ADGRB3: variants seen among roughly 807,000 people sequenced by gnomAD.
ADGRB3 encodes the protein adhesion G protein-coupled receptor B3.
Under a neutral mutation model 193.4 loss-of-function variants are expected in ADGRB3, and 37 were observed. That is an observed-to-expected ratio of 0.19 (90% CI 0.15 to 0.25). The LOEUF (loss-of-function observed/expected upper bound fraction) is 0.25, where lower values mean the gene tolerates loss of function less well. ADGRB3 is among the 10% of genes least tolerant of loss of function. The pLI is 1.00. For missense variants in ADGRB3, 1,637 were observed against 1,852.9 expected (o/e 0.88, Z 2.14); for synonymous variants, 690 against 644.2 (o/e 1.07, Z -1.08).
Position 69,388,715 on chromosome 6 carries a change from C to G in ADGRB3, c.4393C>G (p.Pro1465Ala). ...CTCTTCTCAACAGGAAAACCCCGCA[C>G]CAAACAAGAATCCATGGGACACTTT... is the stretch of plus-strand genomic sequence containing the variant. Reference protein sequence around the residue: ...PNTSSMENPAPNKNPWDTFKN... With the variant: ...PNTSSMENPAANKNPWDTFKN... The change falls in exon 32 of 32, where the codon CCA becomes GCA. Residue 1465 changes from proline (P) to alanine (A), a missense_variant. Coordinates refer to ENST00000370598, the MANE Select transcript of ADGRB3 (RefSeq NM_001704.3). The G allele has an allele frequency of 6.2e-7, 1 of 1,612,850 alleles. No homozygotes were observed. The highest frequency in any genetic ancestry group is 8.5e-7 in the Non-Finnish European group (1 of 1,179,348).
chr6:69,264,075 T>G (rs1020119206), intron 20 of ADGRB3, among the ~76,000 whole-genome samples: 1 of 152,004 alleles, frequency 6.6e-6, no homozygotes, highest in Non-Finnish European at 1.5e-5. Flanking sequence ...GATACATGTA[T>G]TGCTGTCCTT....
intron 20 of ADGRB3, among the ~76,000 whole-genome samples, chr6:69,265,122 AG>A (rs1767011627): frequency 6.6e-6 from 1 of 151,954 alleles, no homozygotes; most frequent in African/African-American, 2.4e-5. Flanking sequence ...GCTGCTCATC[AG>A]AATCGCCCAT....
intron 17 of ADGRB3, among the ~76,000 whole-genome samples, chr6:69,232,168 G>A (rs1036706522): frequency 6.6e-6 from 1 of 152,190 alleles, no homozygotes; most frequent in Non-Finnish European, 1.5e-5. Context: ...AGGTTTGCTA[G>A]CTGGATAATT....
intron 3 of ADGRB3, among the ~76,000 whole-genome samples, chr6:68,668,214 C>G (rs1768848405): frequency 6.6e-6 from 1 of 151,958 alleles, no homozygotes; most frequent in South Asian, 2.1e-4. Flanking sequence ...AATGATCCCC[C>G]AAAGGACAAA....
intron 3 of ADGRB3, among the ~76,000 whole-genome samples, chr6:68,805,330 A>G (rs1767382031): frequency 6.6e-6 from 1 of 152,182 alleles, no homozygotes; most frequent in African/African-American, 2.4e-5. Context: ...ATTACAAAAT[A>G]TCATGTGAAC....
intron 10 of ADGRB3, among the ~76,000 whole-genome samples, chr6:68,979,314 A>C (rs1768839700): frequency 6.6e-6 from 1 of 151,498 alleles, no homozygotes; most frequent in Non-Finnish European, 1.5e-5. Flanking sequence ...GAAAGGAACA[A>C]GTATAAGCCT....
chr6:69,071,542 TA>T (rs1772080530), intron 16 of ADGRB3, among the ~76,000 whole-genome samples: 1 of 152,194 alleles, frequency 6.6e-6, no homozygotes, highest in Admixed American at 6.5e-5. Flanking sequence ...GTGCATTTTT[TA>T]AATGCTTAAA....
chr6:69,228,974 T>C (rs1766078830), intron 17 of ADGRB3, among the ~76,000 whole-genome samples: 1 of 152,152 alleles, frequency 6.6e-6, no homozygotes, highest in Admixed American at 6.5e-5. Flanking sequence ...TGAAGGACAT[T>C]TGAAAAAGTA....
chr6:69,047,890 C>T (rs908643203), intron 13 of ADGRB3, among the ~76,000 whole-genome samples: 5 of 152,116 alleles, frequency 3.3e-5, no homozygotes, highest in African/African-American at 9.7e-5. Context: ...TGGAGACCAA[C>T]CATGAACAAT....
chr6:68,987,572 C>A (rs1402719992), intron 10 of ADGRB3, among the ~76,000 whole-genome samples: 1 of 152,144 alleles, frequency 6.6e-6, no homozygotes. Context: ...TTGACAATTT[C>A]TAATGAAAGC....
At position 69,199,659 on chromosome 6, in the gene ADGRB3, G is replaced by T. The variant is rs867332361; in HGVS notation, c.2481-33631G>T. Among the ~76,000 whole-genome samples, 8 of 152,158 alleles carry T rather than the reference G, an allele frequency of 5.3e-5. No individual in the cohort carries two copies. In the South Asian group the frequency reaches 1.7e-3, roughly 32 times the overall value. Reference sequence around the variant, plus strand: ...TAGTGGTTCAGGACAAAGTTTTATTGCAACAGAAGCCATAAATGTATCCCA... The same window carrying T: ...TAGTGGTTCAGGACAAAGTTTTATTTCAACAGAAGCCATAAATGTATCCCA... On this transcript the variant is annotated intron_variant, in intron 17 of 31. Coordinates refer to ENST00000370598, the MANE Select transcript of ADGRB3 (RefSeq NM_001704.3).
intron 13 of ADGRB3, among the ~76,000 whole-genome samples, chr6:69,039,345 A>G (rs1354654665): frequency 1.3e-5 from 2 of 152,104 alleles, no homozygotes; most frequent in Non-Finnish European, 2.9e-5. Flanking sequence ...AAGAAATTTT[A>G]TATATATAGT....
chr6:68,682,844 C>G (rs1266820632), intron 3 of ADGRB3, among the ~76,000 whole-genome samples: 2 of 151,186 alleles, frequency 1.3e-5, no homozygotes, highest in Non-Finnish European at 2.9e-5. Context: ...GTGGCACAAT[C>G]TCAGCTCACT....
intron 8 of ADGRB3, among the ~76,000 whole-genome samples, chr6:68,958,870 A>AAATAGTGTGTGT (rs1554227911): frequency 7.8e-4 from 115 of 147,336 alleles, no homozygotes; most frequent in African/African-American, 2.8e-3. Flanking sequence ...AAAGAAAAAT[A>AAATAGTGTGTGT]GTGTGTGTGT....
intron 3 of ADGRB3, among the ~76,000 whole-genome samples, chr6:68,680,571 T>G (rs556827619): frequency 3.6e-4 from 55 of 152,210 alleles, no homozygotes; most frequent in African/African-American, 1.3e-3. Flanking sequence ...TCCCAAAGTC[T>G]TTGAGGCTCC....
intron 3 of ADGRB3, among the ~76,000 whole-genome samples, chr6:68,780,575 T>C (rs1302307961): frequency 6.6e-6 from 1 of 152,126 alleles, no homozygotes; most frequent in Non-Finnish European, 1.5e-5. Context: ...ACCTTATTTA[T>C]ATAGCCATGT....
chr6:69,272,078 A>C (rs1249934676), intron 20 of ADGRB3, among the ~76,000 whole-genome samples: 2 of 152,220 alleles, frequency 1.3e-5, no homozygotes, highest in Admixed American at 1.3e-4. Flanking sequence ...GATGTAAAAC[A>C]AAAGAGCAAA....
chr6:68,830,572 T>G (rs1188923853), intron 3 of ADGRB3, among the ~76,000 whole-genome samples: 1 of 152,150 alleles, frequency 6.6e-6, no homozygotes, highest in East Asian at 1.9e-4. Context: ...CTGGCATTTT[T>G]TATTGTAACT....
intron 10 of ADGRB3, among the ~76,000 whole-genome samples, chr6:68,981,987 G>A (rs1483125330): frequency 6.6e-6 from 1 of 151,824 alleles, no homozygotes; most frequent in Non-Finnish European, 1.5e-5. Flanking sequence ...AAGCGATCAA[G>A]CGATTCTCCT....
Sources: allele counts gnomAD v4.1 joint callset (sites outside exome capture counted in the v4.1 genomes callset), GRCh38; gene constraint gnomAD v4.1.1; transcripts MANE v1.5; gene names NCBI Gene and HGNC (gene_info 2026-07-23, HGNC 2026-07-21).